Variants in ZMYM5 observed in about 807,000 individuals in gnomAD.
The protein encoded by ZMYM5 is zinc finger MYM-type containing 5.
Under a neutral mutation model 61.8 loss-of-function variants are expected in ZMYM5, and 41 were observed. The ratio of observed to expected loss-of-function variants is 0.66; its 90% confidence interval spans 0.52 to 0.86. The LOEUF is 0.86. Among genes scored for constraint, ZMYM5 ranks in the 40% least tolerant of loss-of-function variants. ZMYM5 has a pLI of 0.00. For synonymous variants in ZMYM5, 257 were observed against 276.4 expected, an observed-to-expected ratio of 0.93 and a Z score of 0.70; for missense variants, 706 against 786.7, an observed-to-expected ratio of 0.90 and a Z score of 1.23.
At chr13:19,851,172 G>A (rs1485346373) in intron 4 of ZMYM5, among the ~76,000 whole-genome samples, 183 bp downstream of exon 4, 1 of 152,062 alleles carries the variant, frequency 6.6e-6, no homozygotes, top group Non-Finnish European at 1.5e-5. Context: ...CTGAGATTGC[G>A]CCATTGTACT....
At chr13:19,847,646 T>TC (rs1191183507) in intron 4 of ZMYM5, among the ~76,000 whole-genome samples, 3 of 151,342 alleles carry the variant, frequency 2.0e-5, no homozygotes, top group African/African-American at 7.3e-5. Flanking sequence ...ATTTTTCTTT[T>TC]TTTTTTTTTT....
At chr13:19,827,901 C>T (rs1254593630) in intron 7 of ZMYM5, among the ~76,000 whole-genome samples, 1 of 151,094 alleles carries the variant, frequency 6.6e-6, no homozygotes, top group African/African-American at 2.4e-5. Flanking sequence ...CGCCTGTAGT[C>T]CCAGCTACTC....
intron 1 of ZMYM5, among the ~76,000 whole-genome samples, chr13:19,863,188 A>AC (rs1468533295): frequency 7.2e-6 from 1 of 138,492 alleles, no homozygotes; most frequent in East Asian, 2.4e-4. Flanking sequence ...GGCGGCCGGC[A>AC]ACCCGCCCCG....
intron 7 of ZMYM5, among the ~76,000 whole-genome samples, chr13:19,828,096 C>A (rs1379103201): frequency 2.0e-5 from 3 of 150,260 alleles, no homozygotes; most frequent in Non-Finnish European, 3.0e-5. Flanking sequence ...AACTTGAGTA[C>A]CATATGCAAT....
intron 4 of ZMYM5, among the ~76,000 whole-genome samples, chr13:19,844,961 G>A (rs978953550): frequency 2.6e-5 from 4 of 152,112 alleles, no homozygotes; most frequent in African/African-American, 9.7e-5. Flanking sequence ...ACAATTTGGT[G>A]GTGGGGGAAT....
At chr13:19,856,815 C>T (rs1953530335) in intron 2 of ZMYM5, among the ~76,000 whole-genome samples, 1 of 151,348 alleles carries the variant, frequency 6.6e-6, no homozygotes, top group Non-Finnish European at 1.5e-5. Flanking sequence ...GTCTCGAAAA[C>T]AAACAAAAAG....
intron 4 of ZMYM5, among the ~76,000 whole-genome samples, chr13:19,842,588 G>A (rs1039752117): frequency 6.7e-6 from 1 of 148,714 alleles, no homozygotes; most frequent in Non-Finnish European, 1.5e-5. Flanking sequence ...AAGTTAAAGA[G>A]TAAAAATAGC....
At chr13:19,850,322 AGTC>A (rs1371101639) in intron 4 of ZMYM5, among the ~76,000 whole-genome samples, 1 of 152,164 alleles carries the variant, frequency 6.6e-6, no homozygotes, top group African/African-American at 2.4e-5. Flanking sequence ...AAATCAGGCC[AGTC>A]GCAGTGGCTC....
chr13:19,843,369 C>CAACAAA (rs1952953739), intron 4 of ZMYM5: 1 of 58,246 alleles, frequency 1.7e-5, no homozygotes, highest in South Asian at 1.1e-3. Context: ...TGCACTCCAG[C>CAACAAA]AAAAAAAAAA....
chr13:19,849,453 C>T (rs1405487348), intron 4 of ZMYM5, among the ~76,000 whole-genome samples: 1 of 152,020 alleles, frequency 6.6e-6, no homozygotes, highest in Non-Finnish European at 1.5e-5. Context: ...AAAATATTAG[C>T]ATTTAGATTA....
At chr13:19,849,184 G>T (rs1953192649) in intron 4 of ZMYM5, among the ~76,000 whole-genome samples, 1 of 152,114 alleles carries the variant, frequency 6.6e-6, no homozygotes, top group South Asian at 2.1e-4. Context: ...GAGTGCAGCG[G>T]TAGGATTAAA....
At chr13:19,856,283 T>C (rs1953506799) in intron 2 of ZMYM5, among the ~76,000 whole-genome samples, 1 of 152,186 alleles carries the variant, frequency 6.6e-6, no homozygotes, top group South Asian at 2.1e-4. Flanking sequence ...TTAAGCTTTT[T>C]AATGAGGTGA....
intron 2 of ZMYM5, among the ~76,000 whole-genome samples, chr13:19,856,697 C>T (rs891164248): frequency 3.9e-5 from 6 of 151,994 alleles, no homozygotes; most frequent in Non-Finnish European, 7.4e-5. Flanking sequence ...GGAGTCCCAG[C>T]CACTCAGGAG....
chr13:19,855,934 T>G (rs1428617939), intron 2 of ZMYM5, among the ~76,000 whole-genome samples: 4 of 151,656 alleles, frequency 2.6e-5, no homozygotes, highest in Non-Finnish European at 4.4e-5. Context: ...GAGAATGGTG[T>G]GAACCCAGGA....
At chr13:19,836,574 G>C (rs182490515) in intron 6 of ZMYM5, among the ~76,000 whole-genome samples, 63 of 152,252 alleles carry the variant, frequency 4.1e-4, no homozygotes, top group Admixed American at 1.2e-3. Context: ...CTCCTAAGCA[G>C]TTGGGATTAT....
intron 7 of ZMYM5, 134 bp from the exon 8 acceptor site, chr13:19,825,369 G>A (rs924643974): frequency 2.3e-6 from 2 of 876,754 alleles, no homozygotes; most frequent in Non-Finnish European, 3.0e-6. Flanking sequence ...CGACGGTCGG[G>A]TGCGGTGGTT....
At chr13:19,840,888 A>G (rs891930551) in intron 4 of ZMYM5, among the ~76,000 whole-genome samples, 2 of 151,682 alleles carry the variant, frequency 1.3e-5, no homozygotes, top group Admixed American at 6.6e-5. Flanking sequence ...CGTATTAGCC[A>G]GGATGGTCTT....
intron 4 of ZMYM5, among the ~76,000 whole-genome samples, chr13:19,846,767 G>GA (rs148768021): frequency 1.6e-4 from 23 of 146,608 alleles, no homozygotes; most frequent in African/African-American, 2.8e-4. Flanking sequence ...TTTTTTTAAG[G>GA]AAAAAAAAAA....
chr13:19,840,915 G>T (rs1159295864), intron 4 of ZMYM5, among the ~76,000 whole-genome samples: 1 of 151,494 alleles, frequency 6.6e-6, no homozygotes, highest in Non-Finnish European at 1.5e-5. Flanking sequence ...CTGACCTCAT[G>T]ATCCACCCGC....
Sources: gnomAD v4.1 joint callset for allele counts (sites outside exome capture counted in the v4.1 genomes callset) on GRCh38, gnomAD v4.1.1 for gene constraint, MANE v1.5 for transcripts, NCBI Gene and HGNC (gene_info 2026-07-23, HGNC 2026-07-21) for gene names.